The following COL4A1 variants were observed in gnomAD, a reference collection of about 807,000 sequenced individuals.
COL4A1 encodes collagen alpha-1(IV) chain.
COL4A1 carries 40 observed loss-of-function variants against 216.6 expected under a neutral mutation model. That is an observed-to-expected ratio of 0.18 (90% CI 0.14 to 0.24). The LOEUF is 0.24. COL4A1 is among the 10% of genes least tolerant of loss of function. The pLI, the probability that COL4A1 is intolerant of heterozygous loss-of-function variation, is 1.00. For synonymous variants in COL4A1, 839 were observed against 810.7 expected, an observed-to-expected ratio of 1.03 and a Z score of -0.59; for missense variants, 1,628 against 2,196.8, an observed-to-expected ratio of 0.74 and a Z score of 5.18.
At chr13:110,172,683 T>C (rs747949550) in intron 41 of COL4A1, 37 bp downstream of exon 41, 1 of 1,601,272 alleles carries the variant, frequency 6.2e-7, no homozygotes, top group Non-Finnish European at 8.6e-7. Flanking sequence ...GCAGCAGCGG[T>C]TGGTTGAAAA....
rs1878868973 is a variant in COL4A1 at position 110,195,977 on chromosome 13, G to T, written c.1286-859C>A. Among the ~76,000 whole-genome samples the T allele has an allele frequency of 3.3e-5, 5 of 152,184 alleles. No individual in the cohort carries two copies. The South Asian group carries it at 1.0e-3, about 32-fold the overall frequency. Reference sequence around the variant, plus strand: ...TCCCAGACTATAGAAGGGCCCCAGGGTGTGGAGTGGGGCTGTGGGGCCCTC... The same window carrying T: ...TCCCAGACTATAGAAGGGCCCCAGGTTGTGGAGTGGGGCTGTGGGGCCCTC... On this transcript the variant is annotated intron_variant, in intron 21 of 51. Coordinates refer to ENST00000375820, the MANE Select transcript of COL4A1 (RefSeq NM_001845.6).
At chr13:110,187,812 T>C (rs1259295722) in intron 24 of COL4A1, among the ~76,000 whole-genome samples, 5 of 152,206 alleles carry the variant, frequency 3.3e-5, no homozygotes, top group Non-Finnish European at 7.3e-5. Context: ...CTCCAGCTTC[T>C]GGGCCCACTG....
chr13:110,237,221 G>T (rs1049094738), intron 2 of COL4A1, among the ~76,000 whole-genome samples: 2 of 152,334 alleles, frequency 1.3e-5, no homozygotes, highest in African/African-American at 4.8e-5. Context: ...ATTCTGAGCC[G>T]TGTCTTCAGC....
chr13:110,150,615 G>A (rs555194287), intron 51 of COL4A1, among the ~76,000 whole-genome samples, 171 bp from the exon 52 acceptor site: 65 of 152,278 alleles, frequency 4.3e-4, no homozygotes, highest in African/African-American at 1.5e-3. Context: ...TGCACACACG[G>A]TCCCACGCAC....
intron 2 of COL4A1, among the ~76,000 whole-genome samples, chr13:110,241,594 C>T (rs1424050623): frequency 1.3e-5 from 2 of 152,268 alleles, no homozygotes; most frequent in South Asian, 2.1e-4. Flanking sequence ...GAGAGCAGAG[C>T]ATGAAGATAA....
In COL4A1 at chr13:110,283,894, A is replaced by G. The variant is rs966631834; in HGVS notation, c.84+23050T>C. ...GCTGGCAAAGCTGTCACATGTCGACAGGATGGGAGATGAGGTGGCAAAAGC... is the reference window on the plus strand; with the variant it reads ...GCTGGCAAAGCTGTCACATGTCGACGGGATGGGAGATGAGGTGGCAAAAGC... On this transcript the variant is annotated intron_variant, in intron 1 of 51. Coordinates refer to ENST00000375820, the MANE Select transcript of COL4A1 (RefSeq NM_001845.6). Among the ~76,000 whole-genome samples, 34 of 152,224 alleles carry G rather than the reference A, an allele frequency of 2.2e-4. 1 individual carries two copies. Among genetic ancestry groups the G allele is most frequent in the African/African-American group, 8.0e-4 (33 of 41,462 alleles).
At chr13:110,160,803 G>A (rs1877046340) in intron 49 of COL4A1, among the ~76,000 whole-genome samples, 1 of 152,166 alleles carries the variant, frequency 6.6e-6, no homozygotes, top group Non-Finnish European at 1.5e-5. Flanking sequence ...CAACATCCCA[G>A]GCTTAAGTGA....
rs998562136 is a variant in COL4A1, at chr13:110,268,476, T to A, written c.85-25742A>T. ...AGTCCAAGTGAGCTTTTAACAAAAA[T>A]GTGTCGAGTAAAAGAATGACAGTAG... On this transcript the variant is annotated intron_variant, in intron 1 of 51. Transcript: ENST00000375820. This position sits in a 1 kb window ranked among gnomAD's most constrained non-coding sequence, Gnocchi z 4.1. Among the ~76,000 whole-genome samples the A allele has an allele frequency of 5.3e-5, 8 of 152,176 alleles. No individual in the cohort carries two copies. Among genetic ancestry groups the A allele is most frequent in the Admixed American group, 2.6e-4 (4 of 15,286 alleles).
chr13:110,174,089 G>T, intron 39 of COL4A1, 91 bp from the exon 40 acceptor site: 1 of 1,397,192 alleles, frequency 7.2e-7, no homozygotes, highest in East Asian at 2.4e-5. Context: ...CATCCTTTAA[G>T]GGAGCTGTTC....
chr13:110,232,906 A>G (rs1185194346), intron 2 of COL4A1, among the ~76,000 whole-genome samples: 1 of 152,192 alleles, frequency 6.6e-6, no homozygotes, highest in Non-Finnish European at 1.5e-5. Flanking sequence ...CAGGTCCCAC[A>G]GCGCATGGCA....
At chr13:110,185,555 G>A (rs181210970) in intron 26 of COL4A1, among the ~76,000 whole-genome samples, 36 of 150,060 alleles carry the variant, frequency 2.4e-4, no homozygotes, top group African/African-American at 8.6e-4. Flanking sequence ...CTAGCAACGC[G>A]CATTTACTTC....
At chr13:110,246,352 A>C (rs978133024) in intron 1 of COL4A1, among the ~76,000 whole-genome samples, 4 of 152,108 alleles carry the variant, frequency 2.6e-5, no homozygotes, top group African/African-American at 9.7e-5. Flanking sequence ...AAAAAGAAAA[A>C]AAAAATACAA....
intron 1 of COL4A1, among the ~76,000 whole-genome samples, chr13:110,271,754 G>T (rs1240488945): frequency 2.0e-5 from 3 of 152,198 alleles, no homozygotes; most frequent in Non-Finnish European, 4.4e-5. Context: ...TTCCAAAAAG[G>T]TCAGTAGATC....
Position 110,167,219 on chromosome 13 carries a change from G to A in COL4A1, c.3888C>T (p.Gly1296=). Residue 1296 remains glycine, a synonymous_variant, in exon 44 of 52, where the codon GGC becomes GGT. Coordinates refer to ENST00000375820, the MANE Select transcript of COL4A1 (RefSeq NM_001845.6). ...PGFQGMPGIG[G]SPGITGSKGD... ...CCTTAGAGCCTGTGATTCCTGGAGA[G>A]CCACCAATACCCTAGACACGCAAAG... 6.2e-7 allele frequency: 1 copy of A among 1,613,726 alleles called. No homozygotes were observed. The highest frequency in any genetic ancestry group is 1.1e-5 in the South Asian group (1 of 91,068).
rs535487002 is a variant in COL4A1 at position 110,160,171 on chromosome 13, G to A, written c.4640+1021C>T. ...AAAAAATTCATAGGGGGCCGGGCGC[G>A]GTGGCTCACGCCTGTAATCCCAGCA... On this transcript the variant is annotated intron_variant, in intron 49 of 51. Transcript: ENST00000375820. Among the ~76,000 whole-genome samples the A allele has an allele frequency of 5.2e-3, 620 of 119,480 alleles. 47 individuals carry two copies. Among genetic ancestry groups the A allele is most frequent in the Non-Finnish European group, 7.8e-3 (467 of 60,006 alleles). 78.4% of individuals were successfully genotyped at this position (119,480 alleles called of 152,430 possible).
Position 110,288,254 on chromosome 13 carries a change from C to T in COL4A1, c.84+18690G>A, listed in dbSNP as rs532735690. Among the ~76,000 whole-genome samples, 39 of 136,676 alleles carry T rather than the reference C, an allele frequency of 2.9e-4. No individual in the cohort carries two copies. The South Asian group carries it at 8.0e-3, about 28-fold the overall frequency. The allele number at this position is 136,676 out of a possible 152,430, so 89.7% of individuals were successfully genotyped here. Reference sequence around the variant, plus strand: ...ACTCCAGCCTGAAACAAGAGCGAAACTCCCTCTCAAAAAAAAAAAAAATAA... The same window carrying T: ...ACTCCAGCCTGAAACAAGAGCGAAATTCCCTCTCAAAAAAAAAAAAAATAA... On this transcript the variant is annotated intron_variant, in intron 1 of 51. Transcript: ENST00000375820.
chr13:110,271,857 G>C (rs1338128949), intron 1 of COL4A1, among the ~76,000 whole-genome samples: 4 of 152,196 alleles, frequency 2.6e-5, no homozygotes, highest in Non-Finnish European at 5.9e-5. Context: ...TTGGATGAAA[G>C]ATATACGGGA....
At chr13:110,216,531 A>G (rs1213472279) in intron 2 of COL4A1, among the ~76,000 whole-genome samples, 1 of 152,220 alleles carries the variant, frequency 6.6e-6, no homozygotes, top group Non-Finnish European at 1.5e-5. Context: ...TTGGTGGAGT[A>G]TTTTTAGTAC....
intron 2 of COL4A1, among the ~76,000 whole-genome samples, chr13:110,219,660 A>G (rs202157991): frequency 0.096 from 11,444 of 119,232 alleles, 676 homozygotes; most frequent in East Asian, 0.31. Flanking sequence ...ATATATATAT[A>G]TGTATATATA....
Sources: allele counts gnomAD v4.1 joint callset (sites outside exome capture counted in the v4.1 genomes callset), GRCh38; gene constraint gnomAD v4.1.1; non-coding constraint Gnocchi (gnomAD v3.1); transcripts MANE v1.5; gene names NCBI Gene and HGNC (gene_info 2026-07-23, HGNC 2026-07-21).